The following CIBAR1 variants were observed in gnomAD, a reference collection of about 807,000 sequenced individuals.
The protein encoded by CIBAR1 is CBY1 interacting BAR domain containing 1.
A neutral mutation model predicts 44.0 loss-of-function variants in CIBAR1; 25 were observed. The ratio of observed to expected loss-of-function variants is 0.57; its 90% CI spans 0.41 to 0.79. The LOEUF is 0.79. Ranked by LOEUF, CIBAR1 falls within the 30% of genes least tolerant of loss-of-function variation. The pLI is 0.00. For missense variants in CIBAR1, 278 were observed against 344.8 expected (o/e 0.81, Z 1.53); for synonymous variants, 115 against 119.0 (o/e 0.97, Z 0.22).
Position 93,704,665 on chromosome 8 carries a change from A to G in CIBAR1, c.331-244A>G, listed in dbSNP as rs546876191. On this transcript the variant is annotated intron_variant, in intron 3 of 8. Coordinates refer to ENST00000518322, the MANE Select transcript of CIBAR1 (RefSeq NM_145269.5). ...ATCAAAATTACACATTTATATGCAT[A>G]TATCTATTATGGTTAATAGTTTTGC... 8.3e-4 allele frequency among the ~76,000 whole-genome samples: 127 copies of G among 152,342 alleles called. No individual in the cohort carries two copies. The South Asian group carries it at 8.5e-3, about 10-fold the overall frequency.
chr8:93,718,849 C>G (rs1002858084), intron 7 of CIBAR1, 61 bp downstream of exon 7: 1 of 994,516 alleles, frequency 1.0e-6, no homozygotes, highest in Non-Finnish European at 1.5e-6. Flanking sequence ...TAAAAGAGAA[C>G]ATTAGTATGT....
At chr8:93,723,510 T>C (rs999051800) in intron 7 of CIBAR1, among the ~76,000 whole-genome samples, 2 of 151,944 alleles carry the variant, frequency 1.3e-5, no homozygotes, top group African/African-American at 4.8e-5. Context: ...GGTCTCCTTT[T>C]CCCCCCCTCA....
chr8:93,728,571 A>G lies in CIBAR1; in HGVS notation c.*274A>G. On this transcript the variant is annotated 3_prime_UTR_variant, in exon 9 of 9. Coordinates refer to ENST00000518322, the MANE Select transcript of CIBAR1 (RefSeq NM_145269.5). ...TCAAAGTATTTCATATTAATGTACT[A>G]TATCTACTTGAAGTTCCAATAGTAC... 8.3e-6 allele frequency: 2 copies of G among 240,622 alleles called. No homozygotes were observed. The highest frequency in any genetic ancestry group is 7.9e-6 in the Non-Finnish European group (1 of 126,184). The allele number at this position is 240,622 out of a possible 1,614,324, so 14.9% of individuals were successfully genotyped here. A position where few individuals can be genotyped will look rare whatever the true frequency, so the allele number is the denominator to read the frequency against.
intron 3 of CIBAR1, 43 bp from the exon 4 acceptor site, chr8:93,704,866 T>G (rs778330579): frequency 8.0e-7 from 1 of 1,251,742 alleles, no homozygotes; most frequent in East Asian, 2.4e-5. Context: ...CTGAATTTTC[T>G]TAAGTCAGAC....
chr8:93,709,141 G>A (rs529989380), intron 5 of CIBAR1, among the ~76,000 whole-genome samples: 8 of 152,218 alleles, frequency 5.3e-5, no homozygotes, highest in South Asian at 2.1e-4. Flanking sequence ...TTAGCTGGGT[G>A]TGGTGGCATG....
rs564620529 is a variant in CIBAR1, at chr8:93,701,580, C to T, written c.261+122C>T. ...AGAGGTGGATGCAAACTTGATAAAA[C>T]GTACATTTTCATAAGACTGTGTGAG... On this transcript the variant is annotated intron_variant, in intron 2 of 8. Transcript: ENST00000518322. 4.9e-4 allele frequency: 382 copies of T among 777,584 alleles called. 5 individuals carry two copies. The East Asian group carries it at 9.4e-3, about 19-fold the overall frequency. 48.2% of individuals were successfully genotyped at this position (777,584 alleles called of 1,614,324 possible).
chr8:93,718,458 G>A (rs551972713), intron 6 of CIBAR1, among the ~76,000 whole-genome samples: 321 of 152,260 alleles, frequency 2.1e-3, no homozygotes, highest in African/African-American at 7.5e-3. Flanking sequence ...GAGGGAAGTG[G>A]ATGGTGATAA....
Position 93,701,754 on chromosome 8 carries a change from G to A in CIBAR1, c.261+296G>A, listed in dbSNP as rs1810367493. 11 of 377,630 alleles carry A rather than the reference G, an allele frequency of 2.9e-5. 1 individual carries two copies. In the South Asian group the frequency reaches 3.6e-4, roughly 12 times the overall value. 23.4% of individuals were successfully genotyped at this position (377,630 alleles called of 1,614,324 possible). A position where few individuals can be genotyped will look rare whatever the true frequency, so the allele number is the denominator to read the frequency against. ...GGGGGTAGTGGGAATAGTACCCAGGGGGAAGAAAATAAGCATAACTTAATG... is the reference window on the plus strand; with the variant it reads ...GGGGGTAGTGGGAATAGTACCCAGGAGGAAGAAAATAAGCATAACTTAATG... On this transcript the variant is annotated intron_variant, in intron 2 of 8. Coordinates refer to ENST00000518322, the MANE Select transcript of CIBAR1 (RefSeq NM_145269.5).
chr8:93,726,570 GT>G, intron 8 of CIBAR1, 57 bp downstream of exon 8: 1 of 1,590,154 alleles, frequency 6.3e-7, no homozygotes, highest in East Asian at 2.3e-5. Flanking sequence ...GAATTGTTGA[GT>G]TCTAAAAATG....
In CIBAR1 at chr8:93,728,254, A is replaced by G. The variant is rs1319258740; in HGVS notation, c.827A>G (p.Asp276Gly). The change falls in exon 9 of 9, where the codon GAT becomes GGT. Residue 276 changes from aspartate to glycine, a missense_variant. By Grantham distance (94) the Asp-to-Gly change is moderately conservative. Transcript: ENST00000518322. ...RKDQQAEDDE[D>G]DELDVTEEEN... ...GATCAACAAGCAGAAGATGATGAGG[A>G]TGACGAGTTAGATGTTACAGAAGAA... The G allele has an allele frequency of 1.3e-6, 2 of 1,599,474 alleles. No homozygotes were observed. The highest frequency in any genetic ancestry group is 1.7e-6 in the Non-Finnish European group (2 of 1,175,942).
At position 93,729,370 on chromosome 8, in the gene CIBAR1, T is replaced by C. The variant is rs1051157937; in HGVS notation, c.*1073T>C. 1.3e-5 allele frequency: 2 copies of C among 152,172 alleles called. No individual in the cohort carries two copies. Among genetic ancestry groups the C allele is most frequent in the East Asian group, 1.9e-4 (1 of 5,208 alleles). 9.4% of individuals were successfully genotyped at this position (152,172 alleles called of 1,614,324 possible). A position where few individuals can be genotyped will look rare whatever the true frequency, so the allele number is the denominator to read the frequency against. ...ATTTAAAACATTTTAAAACCCTAAATTGATATTCTTAAGAAACTCAAGATA... is the reference window on the plus strand; with the variant it reads ...ATTTAAAACATTTTAAAACCCTAAACTGATATTCTTAAGAAACTCAAGATA... On this transcript the variant is annotated 3_prime_UTR_variant, in exon 9 of 9. Transcript: ENST00000518322.
At chr8:93,722,244 GAAGTA>G (rs1240305175) in intron 7 of CIBAR1, among the ~76,000 whole-genome samples, 1 of 152,178 alleles carries the variant, frequency 6.6e-6, no homozygotes, top group African/African-American at 2.4e-5. Flanking sequence ...TTCTTGGAAA[GAAGTA>G]AAGAAAACAT....
intron 7 of CIBAR1, chr8:93,719,895 T>C (rs1190688685): frequency 6.6e-6 from 1 of 151,894 alleles, no homozygotes; most frequent in Non-Finnish European, 1.5e-5. Context: ...TAATCCCACA[T>C]ATAACAAGAG....
chr8:93,704,488 G>A (rs1810498678), intron 3 of CIBAR1, among the ~76,000 whole-genome samples: 1 of 152,134 alleles, frequency 6.6e-6, no homozygotes, highest in Non-Finnish European at 1.5e-5. Flanking sequence ...AGGCCTTAAT[G>A]CTAGCTCGCC....
Position 93,700,554 on chromosome 8 carries a change from T to C in CIBAR1, c.-94T>C, listed in dbSNP as rs1031119617. 1.5e-6 allele frequency: 2 copies of C among 1,350,966 alleles called. No homozygotes were observed. Among genetic ancestry groups the C allele is most frequent in the Non-Finnish European group, 1.9e-6 (2 of 1,048,618 alleles). 83.7% of individuals were successfully genotyped at this position (1,350,966 alleles called of 1,614,324 possible). On this transcript the variant is annotated 5_prime_UTR_variant, in exon 1 of 9. Transcript: ENST00000518322. ...CGGCGCGAGGGGCGGGCTTTCAGGCTCCCGGCGGCTGCTTGCGCCCCAGCG... is the reference window on the plus strand; with the variant it reads ...CGGCGCGAGGGGCGGGCTTTCAGGCCCCCGGCGGCTGCTTGCGCCCCAGCG...
rs1811784831 is a variant in CIBAR1 at position 93,731,355 on chromosome 8, A to G, written c.*3058A>G. 6.6e-6 allele frequency: 1 copy of G among 152,130 alleles called. No individual in the cohort carries two copies. The highest frequency in any genetic ancestry group is 6.5e-5 in the Admixed American group (1 of 15,280). The allele number at this position is 152,130 out of a possible 1,614,324, so 9.4% of individuals were successfully genotyped here. A position where few individuals can be genotyped will look rare whatever the true frequency, so the allele number is the denominator to read the frequency against. On this transcript the variant is annotated 3_prime_UTR_variant, in exon 9 of 9. Coordinates refer to ENST00000518322, the MANE Select transcript of CIBAR1 (RefSeq NM_145269.5). Reference sequence around the variant, plus strand: ...ATATATTATTCAAAATGGGTGACCAAATGAACCATCTATACAATCTTTGCT... The same window carrying G: ...ATATATTATTCAAAATGGGTGACCAGATGAACCATCTATACAATCTTTGCT...
intron 7 of CIBAR1, chr8:93,719,734 A>G (rs1811173083): frequency 6.6e-6 from 1 of 152,212 alleles, no homozygotes; most frequent in Admixed American, 6.5e-5. Flanking sequence ...TAAATATCAA[A>G]GACTGGTCCT....
chr8:93,701,480 T>G (rs777754789), intron 2 of CIBAR1, 22 bp downstream of exon 2: 1 of 1,596,496 alleles, frequency 6.3e-7, no homozygotes, highest in South Asian at 1.1e-5. Flanking sequence ...GATCACAGTG[T>G]CATTGTTATG....
intron 4 of CIBAR1, 65 bp downstream of exon 4, chr8:93,705,075 T>C (rs966130620): frequency 1.9e-6 from 2 of 1,035,604 alleles, no homozygotes; most frequent in Admixed American, 4.0e-5. Flanking sequence ...TAAATGTATA[T>C]AGAAATTGTG....
Sources: allele counts gnomAD v4.1 joint callset (sites outside exome capture counted in the v4.1 genomes callset), GRCh38; gene constraint gnomAD v4.1.1; transcripts MANE v1.5; gene names NCBI Gene and HGNC (gene_info 2026-07-23, HGNC 2026-07-21).